Variants in SHLD2 observed in about 807,000 individuals in gnomAD.
SHLD2 encodes RINN1-REV7-interacting novel NHEJ regulator 2.
In SHLD2, 30 loss-of-function variants were observed where a neutral mutation model predicts 73.2. The observed-to-expected ratio is 0.41, with a 90% CI of 0.31 to 0.56. SHLD2 has a LOEUF of 0.56. SHLD2 is among the 20% of genes least tolerant of loss of function. SHLD2 has a pLI of 0.28. For synonymous variants in SHLD2, 285 were observed against 370.1 expected (o/e 0.77, Z 2.64); for missense variants, 745 against 1,055.9 (o/e 0.71, Z 4.08).
At chr10:87,146,789 GCTCATGCCTCTAAT>G (rs1845643259) in intron 2 of SHLD2, among the ~76,000 whole-genome samples, 1 of 151,756 alleles carries the variant, frequency 6.6e-6, no homozygotes, top group South Asian at 2.1e-4. Context: ...CAGCGTGGTG[GCTCATGCCTCTAAT>G]CTCAGCACTT....
At chr10:87,154,213 C>T (rs1296032902) in intron 3 of SHLD2, 1 of 151,574 alleles carries the variant, frequency 6.6e-6, no homozygotes, top group African/African-American at 2.4e-5. Context: ...CCTTAGGGAA[C>T]CTGTGGTCCT....
rs1234971528 is a variant in SHLD2 at position 87,190,542 on chromosome 10, G to A, written c.2574G>A (p.Leu858=). 4 of 1,611,938 alleles carry A rather than the reference G, an allele frequency of 2.5e-6. No individual in the cohort carries two copies. The highest frequency in any genetic ancestry group is 3.4e-6 in the Non-Finnish European group (4 of 1,179,826). Residue 858 remains leucine (L), a synonymous_variant, in exon 10 of 10, where the codon TTG becomes TTA. Transcript: ENST00000298786. The stretch of plus-strand genomic sequence containing the variant: ...TGGCAGACCTGTTCCACTCCTTGTT[G>A]GCAGTCAGCGCAGAACCTTGTGTAT... The part of the protein sequence containing the change: ...MVVADLFHSL[L]AVSAEPCVLK...
intron 2 of SHLD2, among the ~76,000 whole-genome samples, chr10:87,142,401 T>A (rs1589540612): frequency 6.6e-6 from 1 of 152,228 alleles, no homozygotes; most frequent in Admixed American, 6.5e-5. Context: ...TAAGAACTTA[T>A]GTTTTGCTGT....
chr10:87,165,661 G>A (rs1024400546), intron 4 of SHLD2, among the ~76,000 whole-genome samples: 1 of 152,124 alleles, frequency 6.6e-6, no homozygotes, highest in Non-Finnish European at 1.5e-5. Context: ...GACTAGAGGA[G>A]ACCAAAGAGA....
intron 2 of SHLD2, among the ~76,000 whole-genome samples, chr10:87,109,256 T>A (rs1842780817): frequency 6.6e-6 from 1 of 152,182 alleles, no homozygotes. Context: ...TTCTGGGTCC[T>A]TCCCCACAAA....
At chr10:87,117,409 C>T (rs1174481705) in intron 2 of SHLD2, among the ~76,000 whole-genome samples, 1 of 152,084 alleles carries the variant, frequency 6.6e-6, no homozygotes, top group Non-Finnish European at 1.5e-5. Flanking sequence ...ACGAGTGAAA[C>T]TCAGTCTTAA....
At chr10:87,100,441 C>G (rs1333090666) in intron 2 of SHLD2, among the ~76,000 whole-genome samples, 1 of 151,046 alleles carries the variant, frequency 6.6e-6, no homozygotes, top group Admixed American at 6.6e-5. Flanking sequence ...ATCCATATGT[C>G]TATCCTTATA....
chr10:87,174,845 G>T (rs1358669602), intron 6 of SHLD2, among the ~76,000 whole-genome samples: 1 of 152,172 alleles, frequency 6.6e-6, no homozygotes, highest in African/African-American at 2.4e-5. Flanking sequence ...GGCCGGCGTG[G>T]TGGCTCCCGC....
upstream of SHLD2, chr10:87,094,816 C>T (rs1352045575): frequency 5.7e-6 from 8 of 1,408,166 alleles, no homozygotes; most frequent in Middle Eastern, 9.2e-4. The surrounding 1 kb of genome is among the most constrained non-coding windows in gnomAD (Gnocchi z 6.6). Context: ...AACAGGCGCG[C>T]TTTCTCAGAC....
At chr10:87,182,932 G>A (rs1848402052) in intron 8 of SHLD2, among the ~76,000 whole-genome samples, 1 of 151,878 alleles carries the variant, frequency 6.6e-6, no homozygotes, top group Non-Finnish European at 1.5e-5. Flanking sequence ...AGTTCCAGGT[G>A]GAAGCCAGCC....
intron 2 of SHLD2, among the ~76,000 whole-genome samples, chr10:87,111,842 G>A (rs1589445041): frequency 6.6e-6 from 1 of 151,884 alleles, no homozygotes; most frequent in African/African-American, 2.4e-5. Context: ...CCTACAGAAC[G>A]GGATTAAATA....
chr10:87,096,722 A>G (rs1841925762), intron 1 of SHLD2, among the ~76,000 whole-genome samples: 2 of 152,258 alleles, frequency 1.3e-5, no homozygotes, highest in East Asian at 1.9e-4. Flanking sequence ...CGATATGTTC[A>G]TGTTATTCAT....
At chr10:87,168,238 C>T (rs543218893) in intron 4 of SHLD2, among the ~76,000 whole-genome samples, 1 of 152,082 alleles carries the variant, frequency 6.6e-6, no homozygotes, top group South Asian at 2.1e-4. Flanking sequence ...AGGTGGCCAT[C>T]AGTGGAGGAT....
intron 2 of SHLD2, among the ~76,000 whole-genome samples, chr10:87,115,143 G>A (rs1309265119): frequency 7.2e-5 from 11 of 152,046 alleles, no homozygotes; most frequent in Non-Finnish European, 1.2e-4. Flanking sequence ...CTCCGCCTCC[G>A]GGGTCAAGTG....
intron 2 of SHLD2, among the ~76,000 whole-genome samples, chr10:87,150,692 G>A (rs1484117357): frequency 5.3e-5 from 8 of 151,608 alleles, no homozygotes; most frequent in African/African-American, 1.5e-4. Context: ...CCTGGGAGGC[G>A]GACGTTGCAG....
chr10:87,109,057 T>G (rs1173549975), intron 2 of SHLD2, among the ~76,000 whole-genome samples: 2 of 152,186 alleles, frequency 1.3e-5, no homozygotes, highest in Non-Finnish European at 2.9e-5. Context: ...GTTTTGGGTA[T>G]ACTGGCCCAG....
chr10:87,133,222 TA>T (rs1426896580), intron 2 of SHLD2, among the ~76,000 whole-genome samples: 5 of 152,206 alleles, frequency 3.3e-5, no homozygotes, highest in African/African-American at 2.4e-5. Context: ...TTGCTTCTTT[TA>T]TTTTTTTTAT....
At chr10:87,158,308 T>C (rs1846579921) in intron 4 of SHLD2, among the ~76,000 whole-genome samples, 153 bp downstream of exon 4, 1 of 152,176 alleles carries the variant, frequency 6.6e-6, no homozygotes, top group Non-Finnish European at 1.5e-5. Flanking sequence ...AAAATAGAAT[T>C]TTAAGAAATG....
chr10:87,173,383 C>CTTG (rs1192495680), intron 6 of SHLD2, among the ~76,000 whole-genome samples: 1 of 152,026 alleles, frequency 6.6e-6, no homozygotes, highest in African/African-American at 2.4e-5. Context: ...CATGGTCAGT[C>CTTG]TTGTTTCACC....
Sources: gnomAD v4.1 joint callset for allele counts (sites outside exome capture counted in the v4.1 genomes callset) on GRCh38, gnomAD v4.1.1 for gene constraint, Gnocchi (gnomAD v3.1) non-coding constraint, MANE v1.5 for transcripts, NCBI Gene and HGNC (gene_info 2026-07-23, HGNC 2026-07-21) for gene names.